STRN3: variants seen among roughly 807,000 people sequenced by gnomAD.
STRN3 encodes striatin 3.
STRN3 carries 29 observed loss-of-function variants against 95.6 expected under a neutral mutation model. The ratio of observed to expected loss-of-function variants is 0.30; its 90% CI spans 0.23 to 0.41. STRN3 has a LOEUF of 0.41. Among genes scored for constraint, STRN3 ranks in the 10% least tolerant of loss-of-function variants. STRN3 has a pLI of 1.00. For synonymous variants in STRN3, 331 were observed against 357.6 expected (o/e 0.93, Z 0.84); for missense variants, 890 against 972.1 (o/e 0.92, Z 1.12).
Position 30,907,078 on chromosome 14 carries a change from A to G in STRN3, c.1721-34T>C, listed in dbSNP as rs2138972331. On this transcript the variant is annotated intron_variant, in intron 13 of 17. Transcript: ENST00000357479. ...AAAACAAACAAACAAAAAATTAGGT[A>G]AAAGAAGTTTAAAAGAAACTTTGAT... 6 of 1,592,966 alleles carry G rather than the reference A, an allele frequency of 3.8e-6. No individual in the cohort carries two copies. In the South Asian group the frequency reaches 4.6e-5, roughly 12 times the overall value.
At chr14:30,906,794 G>T in intron 14 of STRN3, 83 bp downstream of exon 14, 1 of 1,348,676 alleles carries the variant, frequency 7.4e-7, no homozygotes, top group Non-Finnish European at 1.0e-6. Flanking sequence ...GAACAGTAAA[G>T]AAATACATCA....
intron 1 of STRN3, among the ~76,000 whole-genome samples, chr14:30,984,277 A>AC (rs1248343682): frequency 1.3e-5 from 2 of 149,222 alleles, no homozygotes; most frequent in East Asian, 1.9e-4. Flanking sequence ...AAAAAAAAAA[A>AC]AAAAAAAAAA....
At chr14:30,943,340 T>C (rs1033329089) in intron 5 of STRN3, among the ~76,000 whole-genome samples, 4 of 152,142 alleles carry the variant, frequency 2.6e-5, no homozygotes, top group African/African-American at 7.2e-5. Flanking sequence ...CTTAGCACTT[T>C]AGGAGGCTGA....
chr14:30,974,625 C>A, intron 1 of STRN3, among the ~76,000 whole-genome samples: 1 of 129,818 alleles, frequency 7.7e-6, no homozygotes, highest in South Asian at 2.4e-4. Flanking sequence ...AAAAAAAAAC[C>A]TTGAAAATGA....
intron 1 of STRN3, chr14:31,014,826 A>C (rs1483364780): frequency 2.1e-5 from 9 of 420,994 alleles, no homozygotes; most frequent in South Asian, 1.1e-4. Flanking sequence ...AAAAAAAAAA[A>C]AAAACAGGGT....
intron 9 of STRN3, among the ~76,000 whole-genome samples, chr14:30,914,464 T>C (rs1230066855): frequency 2.0e-5 from 3 of 152,132 alleles, no homozygotes; most frequent in Non-Finnish European, 4.4e-5. Context: ...GCAATTCTCC[T>C]GTCTCGGTCT....
chr14:30,955,499 C>T lies in STRN3; in HGVS notation c.460+121G>A, dbSNP rs917182313. ...TTCATTTAATATTTTTTCCCAAATT[C>T]TAGACAGTTTACAATAGTCATTCTC... On this transcript the variant is annotated intron_variant, in intron 3 of 17. Coordinates refer to ENST00000357479, the MANE Select transcript of STRN3 (RefSeq NM_001083893.2). The T allele has an allele frequency of 3.9e-6, 3 of 775,386 alleles. No homozygotes were observed. In the African/African-American group the frequency reaches 5.6e-5, roughly 15 times the overall value. The allele number at this position is 775,386 out of a possible 1,614,324, so 48.0% of individuals were successfully genotyped here.
At position 30,923,684 on chromosome 14, in the gene STRN3, A is replaced by G. The variant is rs182269993; in HGVS notation, c.1100-4578T>C. Among the ~76,000 whole-genome samples, 514 of 152,296 alleles carry G rather than the reference A, an allele frequency of 3.4e-3. 3 individuals carry two copies. The highest frequency in any genetic ancestry group is 0.012 in the African/African-American group (485 of 41,574). ...AATAATCTTTTCTTGGTAAGTTTAA[A>G]TTTTATAGGTATAATATAGCTTAAG... is the stretch of plus-strand genomic sequence containing the variant. On this transcript the variant is annotated intron_variant, in intron 8 of 17. Transcript: ENST00000357479.
intron 1 of STRN3, among the ~76,000 whole-genome samples, chr14:30,989,150 G>A (rs1490120941): frequency 1.3e-5 from 2 of 152,194 alleles, no homozygotes; most frequent in African/African-American, 2.4e-5. Context: ...TCAAGATAAA[G>A]AGAGGGGTCA....
intron 1 of STRN3, among the ~76,000 whole-genome samples, chr14:30,977,794 G>GAAAAAAAAAAAAAAA (rs869303485): frequency 9.1e-6 from 1 of 109,918 alleles, no homozygotes; most frequent in Non-Finnish European, 1.7e-5. Context: ...ACTCTATCTC[G>GAAAAAAAAAAAAAAA]AAAAAAAAAA....
intron 7 of STRN3, among the ~76,000 whole-genome samples, chr14:30,929,967 A>AAAAC (rs1555317341): frequency 8.8e-5 from 8 of 91,122 alleles, no homozygotes; most frequent in East Asian, 6.4e-4. Flanking sequence ...AAAAAAAAAA[A>AAAAC]AAAAAAAAAA....
chr14:30,995,084 C>T (rs1882137122), intron 1 of STRN3, among the ~76,000 whole-genome samples: 1 of 152,198 alleles, frequency 6.6e-6, no homozygotes, highest in Admixed American at 6.5e-5. Flanking sequence ...ATACCGTGTT[C>T]ATTGTATGAT....
chr14:30,961,807 T>C (rs1377169290), intron 1 of STRN3, among the ~76,000 whole-genome samples: 1 of 152,188 alleles, frequency 6.6e-6, no homozygotes, highest in Non-Finnish European at 1.5e-5. Flanking sequence ...GGGTATTGCT[T>C]TGTTGCCCAG....
intron 1 of STRN3, among the ~76,000 whole-genome samples, chr14:30,959,669 A>G (rs774463714): frequency 1.8e-4 from 28 of 152,250 alleles, no homozygotes; most frequent in Non-Finnish European, 3.2e-4. Flanking sequence ...AAATAAAAGT[A>G]CCTAAAAAAG....
At chr14:31,009,480 C>G (rs368385724) in intron 1 of STRN3, among the ~76,000 whole-genome samples, 1 of 152,064 alleles carries the variant, frequency 6.6e-6, no homozygotes, top group East Asian at 1.9e-4. Flanking sequence ...ACTACCCCCC[C>G]GCCCCCGCGC....
chr14:30,976,008 T>C (rs1022737987), intron 1 of STRN3, among the ~76,000 whole-genome samples: 4 of 152,052 alleles, frequency 2.6e-5, no homozygotes, highest in South Asian at 4.1e-4. Flanking sequence ...AAGAGGATTA[T>C]AAACAAAGAA....
chr14:30,982,019 C>G (rs1881428438), intron 1 of STRN3, among the ~76,000 whole-genome samples: 1 of 136,970 alleles, frequency 7.3e-6, no homozygotes, highest in African/African-American at 2.7e-5. Context: ...CTGCTTGAAC[C>G]CGGGAGGCAG....
chr14:31,014,581 C>T, intron 1 of STRN3: 1 of 415,870 alleles, frequency 2.4e-6, no homozygotes, highest in Non-Finnish European at 4.8e-6. Context: ...TAAAAGTAGT[C>T]CAAAATTTTA....
chr14:30,956,271 C>T (rs374491299), intron 1 of STRN3, 29 bp from the exon 2 acceptor site: 18 of 1,595,164 alleles, frequency 1.1e-5, no homozygotes, highest in Non-Finnish European at 1.5e-5. Context: ...CATTTATTTA[C>T]ATTTTCCCTT....
Sources: allele counts gnomAD v4.1 joint callset (sites outside exome capture counted in the v4.1 genomes callset), GRCh38; gene constraint gnomAD v4.1.1; transcripts MANE v1.5; gene names NCBI Gene and HGNC (gene_info 2026-07-23, HGNC 2026-07-21).